The following PAM variants were observed in gnomAD, a reference collection of about 807,000 sequenced individuals.
The protein encoded by PAM is peptidyl-glycine alpha-amidating monooxygenase.
In PAM, 72 loss-of-function variants were observed where a neutral mutation model predicts 122.1. The observed-to-expected ratio is 0.59, with a 90% CI of 0.49 to 0.72. The LOEUF (loss-of-function observed/expected upper bound fraction) is 0.72, where lower values mean the gene tolerates loss of function less well. Among genes scored for constraint, PAM ranks in the 30% least tolerant of loss-of-function variants. The pLI is 0.00. For synonymous variants in PAM, 389 were observed against 404.4 expected (o/e 0.96, Z 0.46); for missense variants, 1,106 against 1,183.7 (o/e 0.93, Z 0.96).
intron 3 of PAM, among the ~76,000 whole-genome samples, chr5:102,892,905 A>G (rs540819744): frequency 2.0e-5 from 3 of 151,964 alleles, no homozygotes; most frequent in South Asian, 2.1e-4. Context: ...TTTGTTATAT[A>G]TGTAGCAGAG....
chr5:102,874,448 T>C (rs1788506421), intron 3 of PAM, among the ~76,000 whole-genome samples: 1 of 151,666 alleles, frequency 6.6e-6, no homozygotes, highest in Non-Finnish European at 1.5e-5. Flanking sequence ...TTAGGGAAGA[T>C]ACGATTGAAC....
chr5:103,004,592 C>G (rs907701061), intron 17 of PAM, among the ~76,000 whole-genome samples: 2 of 152,176 alleles, frequency 1.3e-5, no homozygotes, highest in African/African-American at 4.8e-5. Context: ...GCCAGATTAA[C>G]CTTCTCTAAT....
At chr5:102,946,050 G>C (rs1052026039) in intron 7 of PAM, among the ~76,000 whole-genome samples, 9 of 152,212 alleles carry the variant, frequency 5.9e-5, no homozygotes, top group African/African-American at 2.2e-4. Context: ...GTTCACAGAA[G>C]TAAGATCAGC....
At chr5:102,792,335 C>A (rs1762248110) in intron 1 of PAM, among the ~76,000 whole-genome samples, 1 of 152,150 alleles carries the variant, frequency 6.6e-6, no homozygotes, top group Non-Finnish European at 1.5e-5. Flanking sequence ...GCTCTCCAAT[C>A]CAGTACTGAT....
At chr5:102,903,973 A>G (rs201398379) in intron 4 of PAM, among the ~76,000 whole-genome samples, 2 of 151,614 alleles carry the variant, frequency 1.3e-5, no homozygotes, top group East Asian at 3.9e-4. Context: ...AACAAAACAA[A>G]TAACAAATAC....
chr5:103,013,619 A>G (rs17154937), intron 21 of PAM, among the ~76,000 whole-genome samples: 5,797 of 152,238 alleles, frequency 0.038, 372 homozygotes, highest in African/African-American at 0.13. Context: ...TAAAAGTAAA[A>G]TGCTTCAATG....
intron 3 of PAM, among the ~76,000 whole-genome samples, chr5:102,870,483 A>G (rs1322400523): frequency 2.0e-5 from 3 of 152,170 alleles, no homozygotes; most frequent in South Asian, 2.1e-4. Context: ...CTGAGTTGCC[A>G]TTCTGCCATA....
intron 1 of PAM, among the ~76,000 whole-genome samples, chr5:102,835,763 A>T (rs1776846147): frequency 6.6e-6 from 1 of 152,150 alleles, no homozygotes; most frequent in Non-Finnish European, 1.5e-5. Flanking sequence ...TATTCAAGTT[A>T]TGTCAAAGAA....
In PAM at chr5:102,803,128, A is replaced by AG. The variant is rs1200747288; in HGVS notation, c.-374+47780_-374+47781insG. Among the ~76,000 whole-genome samples the AG allele has an allele frequency of 9.6e-5, 14 of 145,108 alleles. No homozygotes were observed. The East Asian group carries it at 2.7e-3, about 28-fold the overall frequency. The stretch of plus-strand genomic sequence containing the variant: ...ACAGAGAGAGATTCTGTGTCCAAAA[A>AG]AAAAGAAAGAAAGAAAGAAAGGAAG... On this transcript the variant is annotated intron_variant, in intron 1 of 25. Transcript: ENST00000438793.
rs769817582 is a variant in PAM at position 102,925,060 on chromosome 5, G to C, written c.442+18G>C. 3 of 1,280,394 alleles carry C rather than the reference G, an allele frequency of 2.3e-6. No homozygotes were observed. The Admixed American group carries it at 5.0e-5, about 22-fold the overall frequency. 79.3% of individuals were successfully genotyped at this position (1,280,394 alleles called of 1,614,324 possible). A position where few individuals can be genotyped will look rare whatever the true frequency, so the allele number is the denominator to read the frequency against. On this transcript the variant is annotated intron_variant, in intron 6 of 25. Transcript: ENST00000438793. ...CCCCAAAGGTATGTCAGAGCCTCTT[G>C]GGTGGTCTTATGTTCAGCTGCTTAA...
chr5:102,769,465 G>T (rs772681055), intron 1 of PAM, among the ~76,000 whole-genome samples: 14 of 151,992 alleles, frequency 9.2e-5, no homozygotes, highest in Non-Finnish European at 8.8e-5. Context: ...ATGTTTTCTT[G>T]TAGAAGTTTC....
At chr5:102,888,193 A>G (rs1793731607) in intron 3 of PAM, among the ~76,000 whole-genome samples, 1 of 151,998 alleles carries the variant, frequency 6.6e-6, no homozygotes, top group Non-Finnish European at 1.5e-5. Flanking sequence ...ATAAACAGAC[A>G]TACGGGGCAT....
rs1231009331 is a variant in PAM, at chr5:103,009,751, G to C, written c.2216G>C (p.Gly739Ala). 2 of 1,563,506 alleles carry C rather than the reference G, an allele frequency of 1.3e-6. No homozygotes were observed. Among genetic ancestry groups the C allele is most frequent in the East Asian group, 2.2e-5 (1 of 44,538 alleles). The change falls in exon 21 of 26, where the codon GGC (glycine) becomes GCC (alanine). Residue 739 changes from glycine to alanine, a missense_variant and splice_region_variant. Transcript: ENST00000438793. ...RNVFAISYIP[G>A]LLFAVNGKPH... ...AGGTTAACTGGATTTGCTGTTGCAG[G>C]CTTGCTCTTTGCAGTGAATGGGAAG...
intron 15 of PAM, among the ~76,000 whole-genome samples, chr5:102,975,800 G>C (rs986423098): frequency 1.8e-4 from 27 of 152,134 alleles, no homozygotes; most frequent in Non-Finnish European, 8.8e-5. Flanking sequence ...GAATACAATT[G>C]TGTTCATGTG....
At chr5:103,004,106 G>A (rs1289328200) in intron 17 of PAM, among the ~76,000 whole-genome samples, 5 of 152,128 alleles carry the variant, frequency 3.3e-5, no homozygotes, top group Non-Finnish European at 7.4e-5. Flanking sequence ...TAGCTTCTTC[G>A]CAAGGTGGAT....
intron 1 of PAM, chr5:102,865,589 A>G (rs76396377): frequency 0.015 from 2,249 of 152,290 alleles, 24 homozygotes; most frequent in African/African-American, 0.029. Context: ...GAGTGGGTCC[A>G]AGGGAGGAAG....
chr5:102,879,752 C>T (rs902956557), intron 3 of PAM, among the ~76,000 whole-genome samples: 1 of 152,070 alleles, frequency 6.6e-6, no homozygotes, highest in Non-Finnish European at 1.5e-5. Context: ...ATTAGCAATG[C>T]GAGAATGGTG....
chr5:102,931,838 C>G (rs992864450), intron 7 of PAM, among the ~76,000 whole-genome samples: 3 of 152,034 alleles, frequency 2.0e-5, no homozygotes, highest in Non-Finnish European at 1.5e-5. Context: ...CTCTCTGTCT[C>G]TCTCGGCTTG....
intron 7 of PAM, among the ~76,000 whole-genome samples, chr5:102,937,888 A>C (rs1473019934): frequency 6.6e-6 from 1 of 152,228 alleles, no homozygotes; most frequent in Non-Finnish European, 1.5e-5. Context: ...ACTCATGCAC[A>C]GTAGAATTAA....
Sources: gnomAD v4.1 joint callset for allele counts (sites outside exome capture counted in the v4.1 genomes callset) on GRCh38, gnomAD v4.1.1 for gene constraint, MANE v1.5 for transcripts, NCBI Gene and HGNC (gene_info 2026-07-23, HGNC 2026-07-21) for gene names.